The following KHDRBS2 variants were observed in gnomAD, a reference collection of about 807,000 sequenced individuals.
KHDRBS2 encodes KH domain-containing, RNA-binding, signal transduction-associated protein 2.
In KHDRBS2, 26 loss-of-function variants were observed where a neutral mutation model predicts 44.3. The observed-to-expected ratio is 0.59, with a 90% CI of 0.43 to 0.81. The LOEUF (loss-of-function observed/expected upper bound fraction) is 0.81. Ranked by LOEUF, KHDRBS2 falls within the 40% of genes least tolerant of loss-of-function variation. The probability of loss-of-function intolerance (pLI) is 0.00; values close to 1 mark genes in which losing one functional copy is unlikely to be tolerated. For missense variants in KHDRBS2, 476 were observed against 433.1 expected, an observed-to-expected ratio of 1.10 and a Z score of -0.88; for synonymous variants, 194 against 151.1, an observed-to-expected ratio of 1.28 and a Z score of -2.08.
At chr6:61,550,381 T>C in the KHDRBS2 span, among the ~76,000 whole-genome samples, 1 of 152,200 alleles carries the variant, frequency 6.6e-6, no homozygotes, top group East Asian at 1.9e-4. Flanking sequence ...TCTCATTTTT[T>C]ATGCTGCATA....
intron 6 of KHDRBS2, among the ~76,000 whole-genome samples, chr6:61,794,861 G>A (rs903932673): frequency 2.5e-4 from 38 of 151,896 alleles, no homozygotes; most frequent in African/African-American, 8.9e-4. Flanking sequence ...TATTCAGGCC[G>A]GGCGCAGTGG....
intron 4 of KHDRBS2, among the ~76,000 whole-genome samples, chr6:61,946,322 C>T (rs1813370506): frequency 6.6e-6 from 1 of 152,160 alleles, no homozygotes; most frequent in South Asian, 2.1e-4. Context: ...CCAAAACCAC[C>T]TCTTAAAAAT....
chr6:61,848,532 C>CATATATATATGTATATATATATACAT, intron 6 of KHDRBS2, among the ~76,000 whole-genome samples: 1 of 28,220 alleles, frequency 3.5e-5, no homozygotes, highest in Non-Finnish European at 6.2e-5. Flanking sequence ...TATATATATA[C>CATATATATATGTATATATATATACAT]ATATATATGT....
chr6:61,933,787 T>G (rs551096350), intron 4 of KHDRBS2, among the ~76,000 whole-genome samples: 2 of 152,324 alleles, frequency 1.3e-5, no homozygotes, highest in African/African-American at 4.8e-5. Context: ...GAATGAAATA[T>G]TGTTATGCAG....
intron 6 of KHDRBS2, among the ~76,000 whole-genome samples, chr6:61,884,432 G>A (rs1289950288): frequency 2.0e-5 from 3 of 152,180 alleles, no homozygotes; most frequent in African/African-American, 4.8e-5. Context: ...TTAACCCTTA[G>A]AGAAAATATG....
the KHDRBS2 span, among the ~76,000 whole-genome samples, chr6:61,583,582 C>T: frequency 6.6e-6 from 1 of 151,696 alleles, no homozygotes; most frequent in African/African-American, 2.4e-5. Flanking sequence ...CCTATTTGTT[C>T]ATCCTTTGCC....
At chr6:62,086,560 G>A (rs1798417797) in intron 2 of KHDRBS2, among the ~76,000 whole-genome samples, 1 of 152,088 alleles carries the variant, frequency 6.6e-6, no homozygotes, top group Non-Finnish European at 1.5e-5. Context: ...CAACTGGATA[G>A]CAAATCCATA....
chr6:62,250,510 A>AGAAG (rs1836335317), intron 1 of KHDRBS2, among the ~76,000 whole-genome samples: 1 of 152,022 alleles, frequency 6.6e-6, no homozygotes, highest in African/African-American at 2.4e-5. Context: ...CAGGAAGTAA[A>AGAAG]GAAGGAAGGA....
chr6:62,070,834 T>C (rs1451963889), intron 2 of KHDRBS2, among the ~76,000 whole-genome samples: 1 of 152,212 alleles, frequency 6.6e-6, no homozygotes, highest in African/African-American at 2.4e-5. Flanking sequence ...GCATGATTTA[T>C]AATCCTCTGG....
chr6:61,562,513 CT>C, the KHDRBS2 span, among the ~76,000 whole-genome samples: 1 of 152,028 alleles, frequency 6.6e-6, no homozygotes, highest in Non-Finnish European at 1.5e-5. Flanking sequence ...AGAGTTTTTA[CT>C]CTTTAAAACT....
the KHDRBS2 span, among the ~76,000 whole-genome samples, chr6:61,597,632 G>A: frequency 5.1e-4 from 77 of 149,586 alleles, 1 homozygote; most frequent in African/African-American, 1.8e-3. Flanking sequence ...ATTGAAGGTG[G>A]CAGAATGGGG....
intron 3 of KHDRBS2, among the ~76,000 whole-genome samples, chr6:62,031,403 C>T (rs1784314353): frequency 6.6e-6 from 1 of 151,958 alleles, no homozygotes. Context: ...TGTCCTGTAC[C>T]TTAGGTGGGC....
chr6:61,894,755 A>T lies in KHDRBS2; in HGVS notation c.690T>A (p.Arg230=). ...CTACAGGTGGCACTGGAAGCGCTCC[A>T]CGGGTTACAGTGCTTCCCCGAGGGG... ...VLTPRGSTVT[R]GALPVPPVAR... is the part of the protein sequence containing the mutation. The change falls in exon 6 of 9, where the codon CGT becomes CGA. Residue 230 remains arginine, a synonymous_variant. Transcript: ENST00000281156. The T allele has an allele frequency of 6.2e-7, 1 of 1,613,466 alleles. No individual in the cohort carries two copies. Among genetic ancestry groups the T allele is most frequent in the South Asian group, 1.1e-5 (1 of 90,984 alleles).
intron 1 of KHDRBS2, among the ~76,000 whole-genome samples, chr6:62,196,780 G>A (rs1291482524): frequency 6.6e-6 from 1 of 152,028 alleles, no homozygotes; most frequent in East Asian, 1.9e-4. Flanking sequence ...AGGACTTGGG[G>A]GATTTCAGGT....
chr6:61,967,851 TACATACATACAC>T (rs1770401226), intron 4 of KHDRBS2, among the ~76,000 whole-genome samples: 1 of 78,168 alleles, frequency 1.3e-5, no homozygotes, highest in African/African-American at 6.0e-5. Flanking sequence ...AATACATACA[TACATACATACAC>T]ACATACACAC....
intron 4 of KHDRBS2, among the ~76,000 whole-genome samples, chr6:61,967,932 G>GTA (rs369326330): frequency 0.025 from 2,969 of 116,790 alleles, 47 homozygotes; most frequent in East Asian, 0.13. Context: ...ATACACACAC[G>GTA]TATATATATA....
At chr6:61,570,386 TA>T in the KHDRBS2 span, among the ~76,000 whole-genome samples, 1,098 of 151,926 alleles carry the variant, frequency 7.2e-3, 15 homozygotes, top group African/African-American at 0.026. Flanking sequence ...GAAAGAATTT[TA>T]AAAAACAAAG....
intron 3 of KHDRBS2, among the ~76,000 whole-genome samples, chr6:61,983,030 T>C (rs1410548817): frequency 1.3e-5 from 2 of 152,034 alleles, no homozygotes; most frequent in African/African-American, 4.8e-5. Context: ...ATATTCTTAT[T>C]TTCATGGCAA....
chr6:62,072,687 A>C (rs1316026160), intron 2 of KHDRBS2, among the ~76,000 whole-genome samples: 1 of 152,150 alleles, frequency 6.6e-6, no homozygotes, highest in African/African-American at 2.4e-5. Flanking sequence ...CCCAGGGATG[A>C]AGTCCACTTG....
Sources: allele counts gnomAD v4.1 joint callset (sites outside exome capture counted in the v4.1 genomes callset), GRCh38; gene constraint gnomAD v4.1.1; transcripts MANE v1.5; gene names NCBI Gene and HGNC (gene_info 2026-07-23, HGNC 2026-07-21).